Variants in ARHGAP23 observed in about 807,000 individuals in gnomAD.
The protein encoded by ARHGAP23 is rho GTPase-activating protein 23.
Under a neutral mutation model 136.3 loss-of-function variants are expected in ARHGAP23, and 34 were observed. The ratio of observed to expected loss-of-function variants is 0.25; its 90% CI spans 0.19 to 0.33. The LOEUF is 0.33. Ranked by LOEUF, ARHGAP23 falls within the 10% of genes least tolerant of loss-of-function variation. The pLI, the probability that ARHGAP23 is intolerant of heterozygous loss-of-function variation, is 1.00. For missense variants in ARHGAP23, 1,808 were observed against 2,139.0 expected, an observed-to-expected ratio of 0.85 and a Z score of 3.05; for synonymous variants, 832 against 920.5, an observed-to-expected ratio of 0.90 and a Z score of 1.74.
At chr17:38,471,341 C>G (rs1233508755) in intron 10 of ARHGAP23, among the ~76,000 whole-genome samples, 1 of 152,238 alleles carries the variant, frequency 6.6e-6, no homozygotes, top group Non-Finnish European at 1.5e-5. Flanking sequence ...GTTGAACACC[C>G]TGGTGATATT....
chr17:38,457,050 C>T (rs2039342319), intron 1 of ARHGAP23, among the ~76,000 whole-genome samples: 2 of 152,232 alleles, frequency 1.3e-5, no homozygotes, highest in Non-Finnish European at 2.9e-5. Context: ...GCTGGGATTA[C>T]AGGCGCCAGC....
rs1251529172 is a variant in ARHGAP23 at position 38,481,943 on chromosome 17, A to G, written c.2630-79A>G. ...CTCTGATGGAATCCCCATACGTCCA[A>G]ATGTGTGAATGTGGCAGTGAATGTG... is the stretch of plus-strand genomic sequence containing the variant. On this transcript the variant is annotated intron_variant, in intron 14 of 23. Coordinates refer to ENST00000622683, the MANE Select transcript of ARHGAP23 (RefSeq NM_001199417.2). 2.9e-6 allele frequency: 4 copies of G among 1,392,734 alleles called. No individual in the cohort carries two copies. The African/African-American group carries it at 5.9e-5, about 21-fold the overall frequency. 86.3% of individuals were successfully genotyped at this position (1,392,734 alleles called of 1,614,324 possible).
chr17:38,504,894 G>A (rs1392342268), intron 23 of ARHGAP23, among the ~76,000 whole-genome samples: 1 of 150,164 alleles, frequency 6.7e-6, no homozygotes, highest in Non-Finnish European at 1.5e-5. Context: ...CCGGGTAGGA[G>A]TGTGGCCAGG....
chr17:38,467,300 C>G lies in ARHGAP23; in HGVS notation c.1617C>G (p.Thr539=). The change falls in exon 7 of 24, where the codon ACC becomes ACG. Residue 539 remains threonine (T), a synonymous_variant. Coordinates refer to ENST00000622683, the MANE Select transcript of ARHGAP23 (RefSeq NM_001199417.2). ...GGAAGGTGGCCCCTTTGGCCACCAC[C>G]GAAGACTCTCTGGCTTCCATCCCCT... is the stretch of plus-strand genomic sequence containing the variant. ...LGRKVAPLAT[T]EDSLASIPFI... The G allele has an allele frequency of 2.0e-6, 3 of 1,505,998 alleles. No individual in the cohort carries two copies. The highest frequency in any genetic ancestry group is 2.7e-6 in the Non-Finnish European group (3 of 1,126,646). 93.3% of individuals were successfully genotyped at this position (1,505,998 alleles called of 1,614,324 possible). A position where few individuals can be genotyped will look rare whatever the true frequency, so the allele number is the denominator to read the frequency against.
At chr17:38,422,426 C>T (rs1009127260) in intron 1 of ARHGAP23, among the ~76,000 whole-genome samples, 2 of 152,178 alleles carry the variant, frequency 1.3e-5, no homozygotes, top group African/African-American at 4.8e-5. Context: ...CTCACTCATA[C>T]ACAGGGTCCG....
Position 38,432,407 on chromosome 17 carries a change from C to T in ARHGAP23, c.63+3859C>T, listed in dbSNP as rs184800512. 4.6e-5 allele frequency among the ~76,000 whole-genome samples: 7 copies of T among 152,218 alleles called. No homozygotes were observed. In the East Asian group the frequency reaches 1.4e-3, roughly 29 times the overall value. ...TTTAAAAATTAGCTGGGGCCAGGAG[C>T]AGTGGCTGACACCTGTAATCCCAGC... On this transcript the variant is annotated intron_variant, in intron 1 of 23. Transcript: ENST00000622683.
intron 20 of ARHGAP23, among the ~76,000 whole-genome samples, chr17:38,497,416 GC>G (rs2040416888): frequency 6.6e-6 from 1 of 152,196 alleles, no homozygotes; most frequent in Admixed American, 6.5e-5. Flanking sequence ...GTGCCTCCCT[GC>G]CCCCCGGCTC....
intron 23 of ARHGAP23, among the ~76,000 whole-genome samples, chr17:38,505,562 T>C (rs545379992): frequency 6.6e-6 from 1 of 152,290 alleles, no homozygotes; most frequent in South Asian, 2.1e-4. Flanking sequence ...GACAGAGAAC[T>C]GGCTGTGAAA....
At chr17:38,424,018 T>C (rs1192573162), upstream of ARHGAP23, among the ~76,000 whole-genome samples, 1 of 152,214 alleles carries the variant, frequency 6.6e-6, no homozygotes, top group African/African-American at 2.4e-5. Context: ...CTTATCGTTT[T>C]CATCTTACAG....
chr17:38,490,149 G>A lies in ARHGAP23; in HGVS notation c.3034G>A (p.Glu1012Lys), dbSNP rs1422588247. Residue 1012 changes from glutamate (E) to lysine (K), a missense_variant, in exon 18 of 24, where the codon GAG becomes AAG. Physicochemically the swap from Glu to Lys is moderately conservative, Grantham distance 56 (BLOSUM62 1). Transcript: ENST00000622683. ...GGCCAACCGCATTGAGGACGCGCGGGAGCGAATGAGGACGCTGCGGAAGCT... is the reference window on the plus strand; with the variant it reads ...GGCCAACCGCATTGAGGACGCGCGGAAGCGAATGAGGACGCTGCGGAAGCT... ...IEANRIEDAR[E>K]RMRTLRKLIR... is the part of the protein sequence containing the mutation. 3.2e-6 allele frequency: 5 copies of A among 1,551,774 alleles called. No homozygotes were observed. The highest frequency in any genetic ancestry group is 4.4e-6 in the Non-Finnish European group (5 of 1,146,886).
At chr17:38,453,498 G>A (rs1445187301) in intron 1 of ARHGAP23, among the ~76,000 whole-genome samples, 4 of 151,116 alleles carry the variant, frequency 2.6e-5, no homozygotes, top group African/African-American at 4.9e-5. Flanking sequence ...TGTGCGGGCC[G>A]GGGGAGAGTG....
Position 38,510,295 on chromosome 17 carries a change from C to G in ARHGAP23, c.3799C>G (p.Arg1267Gly). The G allele has an allele frequency of 7.8e-7, 1 of 1,285,356 alleles. No homozygotes were observed. The highest frequency in any genetic ancestry group is 1.5e-5 in the African/African-American group (1 of 64,988). 79.6% of individuals were successfully genotyped at this position (1,285,356 alleles called of 1,614,324 possible). A position where few individuals can be genotyped will look rare whatever the true frequency, so the allele number is the denominator to read the frequency against. ...CAGCGTGTGCTCGGGCGCTAGCGGT[C>G]GGCGGGCAGGGGCGGGGGATGAGGC... ...DRSVCSGASG[R>G]RAGAGDEADD... The change falls in exon 24 of 24, where the codon CGG becomes GGG. Residue 1267 changes from arginine (R) to glycine (G), a missense_variant. Transcript: ENST00000622683. The surrounding 1 kb of genome is among the most constrained non-coding windows in gnomAD (Gnocchi z 4.6).
intron 20 of ARHGAP23, among the ~76,000 whole-genome samples, chr17:38,495,448 G>T (rs1164048966): frequency 3.3e-5 from 5 of 152,092 alleles, no homozygotes. Flanking sequence ...GGCCAGGCTG[G>T]TCTTGAACTC....
chr17:38,473,090 C>T (rs182886314), intron 11 of ARHGAP23, among the ~76,000 whole-genome samples: 1 of 151,132 alleles, frequency 6.6e-6, no homozygotes, highest in East Asian at 1.9e-4. Flanking sequence ...GCACTCACCA[C>T]CAAACCCGGC....
At chr17:38,439,281 T>C (rs2038870136) in intron 1 of ARHGAP23, among the ~76,000 whole-genome samples, 1 of 152,182 alleles carries the variant, frequency 6.6e-6, no homozygotes, top group Admixed American at 6.5e-5. Flanking sequence ...GCCTTTTCCA[T>C]TTCTCCAACT....
chr17:38,463,288 T>G, intron 5 of ARHGAP23, 40 bp from the exon 6 acceptor site: 1 of 1,551,576 alleles, frequency 6.4e-7, no homozygotes, highest in Middle Eastern at 1.7e-4. Context: ...TCCTGGACCC[T>G]GTTCCTTGAC....
intron 1 of ARHGAP23, among the ~76,000 whole-genome samples, chr17:38,435,368 T>C (rs2038772206): frequency 1.3e-5 from 2 of 152,124 alleles, no homozygotes; most frequent in Admixed American, 1.3e-4. Context: ...TCCCTTCAGC[T>C]CTGACCTGCG....
Position 38,466,785 on chromosome 17 carries a change from G to A in ARHGAP23, c.1102G>A (p.Gly368Arg). Residue 368 changes from glycine (G) to arginine (R), a missense_variant, in exon 7 of 24, where the codon GGG (glycine) becomes AGG (arginine). Gly to Arg is a moderately radical substitution (Grantham distance 125, BLOSUM62 -2). Transcript: ENST00000622683. Reference sequence around the variant, plus strand: ...CCGTTCTGCCGAGGCACTGGGGCCAGGGGCACTGGTGTCACCCCGCTTTGA... The same window carrying A: ...CCGTTCTGCCGAGGCACTGGGGCCAAGGGCACTGGTGTCACCCCGCTTTGA... ...ATRSAEALGP[G>R]ALVSPRFERC... is the part of the protein sequence containing the mutation. 1 of 1,549,254 alleles carries A rather than the reference G, an allele frequency of 6.5e-7. No homozygotes were observed. Among genetic ancestry groups the A allele is most frequent in the Non-Finnish European group, 8.7e-7 (1 of 1,146,428 alleles).
intron 19 of ARHGAP23, 115 bp from the exon 20 acceptor site, chr17:38,491,292 A>G: frequency 5.0e-6 from 7 of 1,396,060 alleles, no homozygotes; most frequent in Admixed American, 2.1e-5. Context: ...GGGGGTGTCC[A>G]CCCTCTAAGC....
Sources: gnomAD v4.1 joint callset for allele counts (sites outside exome capture counted in the v4.1 genomes callset) on GRCh38, gnomAD v4.1.1 for gene constraint, Gnocchi (gnomAD v3.1) non-coding constraint, MANE v1.5 for transcripts, NCBI Gene and HGNC (gene_info 2026-07-23, HGNC 2026-07-21) for gene names.